The following KIF5C variants were observed in gnomAD, a reference collection of about 807,000 sequenced individuals.
KIF5C encodes the protein kinesin family member 5C.
In KIF5C, 18 loss-of-function variants were observed where a neutral mutation model predicts 125.2. The observed-to-expected ratio is 0.14, with a 90% confidence interval of 0.10 to 0.21. The LOEUF (loss-of-function observed/expected upper bound fraction) is 0.21, where lower values mean the gene tolerates loss of function less well. KIF5C is among the 10% of genes least tolerant of loss of function. KIF5C has a pLI of 1.00. For missense variants in KIF5C, 780 were observed against 1,183.8 expected (o/e 0.66, Z 5.01); for synonymous variants, 405 against 434.0 (o/e 0.93, Z 0.83).
At position 148,961,942 on chromosome 2, in the gene KIF5C, G is replaced by T. The variant is rs1232546837; in HGVS notation, c.969-29G>T. Reference sequence around the variant, plus strand: ...GTTTAGCTAATGGTAATAATTAGCTGAATTGTCCCCTTATGTTTTTAATCC... The same window carrying T: ...GTTTAGCTAATGGTAATAATTAGCTTAATTGTCCCCTTATGTTTTTAATCC... On this transcript the variant is annotated intron_variant, in intron 10 of 25. Coordinates refer to ENST00000435030, the MANE Select transcript of KIF5C (RefSeq NM_004522.3). 1.9e-6 allele frequency: 3 copies of T among 1,600,248 alleles called. No homozygotes were observed. In the African/African-American group the frequency reaches 4.1e-5, roughly 22 times the overall value.
In KIF5C at chr2:149,023,521, A is replaced by G. The variant is rs180833731; in HGVS notation, c.*451A>G. 8 of 152,754 alleles carry G rather than the reference A, an allele frequency of 5.2e-5. No homozygotes were observed. In the East Asian group the frequency reaches 1.4e-3, roughly 26 times the overall value. The allele number at this position is 152,754 out of a possible 1,614,324, so 9.5% of individuals were successfully genotyped here. ...ACACATTGTTTTATATTTTTAGGGA[A>G]CAAAAAGTGCTGCTATAGGGTTCAA... is the stretch of plus-strand genomic sequence containing the variant. On this transcript the variant is annotated 3_prime_UTR_variant, in exon 26 of 26. Coordinates refer to ENST00000435030, the MANE Select transcript of KIF5C (RefSeq NM_004522.3).
intron 1 of KIF5C, among the ~76,000 whole-genome samples, chr2:148,890,372 G>A (rs895700424): frequency 3.3e-5 from 5 of 152,032 alleles, no homozygotes; most frequent in Non-Finnish European, 7.4e-5. Flanking sequence ...ATGGTCGTGT[G>A]TACCTGTAGT....
intron 25 of KIF5C, among the ~76,000 whole-genome samples, chr2:149,013,085 A>G (rs951000618): frequency 6.6e-6 from 1 of 152,226 alleles, no homozygotes; most frequent in African/African-American, 2.4e-5. Flanking sequence ...CAAGTACTCC[A>G]GGTGATTCTG....
At chr2:148,936,147 A>G (rs1226471783) in intron 3 of KIF5C, among the ~76,000 whole-genome samples, 1 of 152,178 alleles carries the variant, frequency 6.6e-6, no homozygotes, top group Admixed American at 6.5e-5. Context: ...AAAATTAGCC[A>G]GCTGCGGTGG....
rs1681144979 is a variant in KIF5C, at chr2:148,875,270, C to G, written c.-348C>G. 4.7e-6 allele frequency: 1 copy of G among 214,364 alleles called. No individual in the cohort carries two copies. The allele number at this position is 214,364 out of a possible 1,614,324, so 13.3% of individuals were successfully genotyped here. A position where few individuals can be genotyped will look rare whatever the true frequency, so the allele number is the denominator to read the frequency against. On this transcript the variant is annotated 5_prime_UTR_variant, in exon 1 of 26. Transcript: ENST00000435030. ...TGCAGGATGGCTGAGCGCGCAGGAGCCCGGGAGGTCTGAGCCGGGCGAGGC... is the reference window on the plus strand; with the variant it reads ...TGCAGGATGGCTGAGCGCGCAGGAGGCCGGGAGGTCTGAGCCGGGCGAGGC...
chr2:148,939,457 T>C (rs557154532), intron 4 of KIF5C, among the ~76,000 whole-genome samples: 1 of 152,326 alleles, frequency 6.6e-6, no homozygotes, highest in African/African-American at 2.4e-5. Flanking sequence ...TGCATTTAAA[T>C]AGCTTAAACT....
At chr2:148,879,804 T>G (rs1258520686) in intron 1 of KIF5C, 2 of 152,218 alleles carry the variant, frequency 1.3e-5, no homozygotes, top group East Asian at 3.8e-4. Flanking sequence ...TATTGGGCTT[T>G]TCTCTTGTTT....
chr2:148,983,480 A>C, intron 14 of KIF5C, 140 bp from the exon 15 acceptor site: 1 of 1,203,158 alleles, frequency 8.3e-7, no homozygotes, highest in East Asian at 2.7e-5. Flanking sequence ...GTGCTATGCG[A>C]GAGTTTGCCT....
intron 17 of KIF5C, 31 bp from the exon 18 acceptor site, chr2:148,997,233 G>A (rs1224876975): frequency 6.2e-7 from 1 of 1,606,436 alleles, no homozygotes. Flanking sequence ...CACCAGTTAA[G>A]TCTTAAATCA....
intron 1 of KIF5C, among the ~76,000 whole-genome samples, chr2:148,905,209 AG>A (rs1480993610): frequency 6.6e-6 from 1 of 152,202 alleles, no homozygotes; most frequent in Non-Finnish European, 1.5e-5. Context: ...ATTAAATTAA[AG>A]GTAGAGTGGA....
In KIF5C at chr2:148,875,573, C is replaced by T. The variant is rs776376482; in HGVS notation, c.-45C>T. ...CCTCCTCCCTCGTCGTTCCCGGCCC[C>T]GGCCCCCCACCCATCCCCGTGCCCC... On this transcript the variant is annotated 5_prime_UTR_variant, in exon 1 of 26. Coordinates refer to ENST00000435030, the MANE Select transcript of KIF5C (RefSeq NM_004522.3). 4.1e-6 allele frequency: 3 copies of T among 723,612 alleles called. No homozygotes were observed. Among genetic ancestry groups the T allele is most frequent in the East Asian group, 3.0e-5 (1 of 33,804 alleles). The allele number at this position is 723,612 out of a possible 1,614,324, so 44.8% of individuals were successfully genotyped here.
Position 149,000,867 on chromosome 2 carries a change from A to G in KIF5C, c.2373+85A>G, listed in dbSNP as rs181238065. ...GTCGGATTATTTCAAAATTTTATCC[A>G]TGCACACCTTTCTGTGTAATGTTTT... On this transcript the variant is annotated intron_variant, in intron 21 of 25. Transcript: ENST00000435030. 4.0e-5 allele frequency: 64 copies of G among 1,588,544 alleles called. No individual in the cohort carries two copies. In the East Asian group the frequency reaches 1.3e-3, roughly 32 times the overall value.
chr2:148,978,087 C>T (rs780393700), intron 12 of KIF5C, among the ~76,000 whole-genome samples: 3 of 152,118 alleles, frequency 2.0e-5, no homozygotes, highest in Non-Finnish European at 2.9e-5. Context: ...TATTTGAAGT[C>T]GTGAAAATAA....
At chr2:148,938,132 C>T (rs932896364) in intron 4 of KIF5C, among the ~76,000 whole-genome samples, 15 of 152,128 alleles carry the variant, frequency 9.9e-5, no homozygotes, top group African/African-American at 3.1e-4. Flanking sequence ...ATTGGAACAC[C>T]TCTTTTGCAA....
At chr2:148,996,010 C>T (rs949731205) in intron 17 of KIF5C, among the ~76,000 whole-genome samples, 1 of 152,076 alleles carries the variant, frequency 6.6e-6, no homozygotes, top group Non-Finnish European at 1.5e-5. Context: ...CAAAAATTAG[C>T]AGGGTGTGGT....
chr2:148,919,200 T>G (rs1681683175), intron 1 of KIF5C, among the ~76,000 whole-genome samples: 1 of 152,148 alleles, frequency 6.6e-6, no homozygotes, highest in South Asian at 2.1e-4. Context: ...TACATGTAAC[T>G]CAAGAGTGTA....
intron 4 of KIF5C, among the ~76,000 whole-genome samples, chr2:148,939,290 A>G (rs1376981208): frequency 2.0e-5 from 3 of 152,220 alleles, no homozygotes; most frequent in Non-Finnish European, 2.9e-5. Flanking sequence ...TTGCCCAACT[A>G]TAAATTACAT....
intron 25 of KIF5C, among the ~76,000 whole-genome samples, chr2:149,015,784 C>T (rs199814821): frequency 2.0e-5 from 3 of 152,336 alleles, no homozygotes; most frequent in East Asian, 1.9e-4. Flanking sequence ...TTTCTGTCAG[C>T]TTTAGGTTTC....
At chr2:148,941,528 A>G in intron 4 of KIF5C, 82 bp from the exon 5 acceptor site, 1 of 1,521,598 alleles carries the variant, frequency 6.6e-7, no homozygotes, top group Non-Finnish European at 8.9e-7. Flanking sequence ...ATGCATGATG[A>G]AAGCTTTCAT....
Sources: allele counts gnomAD v4.1 joint callset (sites outside exome capture counted in the v4.1 genomes callset), GRCh38; gene constraint gnomAD v4.1.1; transcripts MANE v1.5; gene names NCBI Gene and HGNC (gene_info 2026-07-23, HGNC 2026-07-21).